Variants in GRM3 observed in about 807,000 individuals in gnomAD.
GRM3 encodes the protein metabotropic glutamate receptor 3.
Under a neutral mutation model 70.5 loss-of-function variants are expected in GRM3, and 26 were observed. That is an observed-to-expected ratio of 0.37 (90% CI 0.27 to 0.51). The LOEUF (loss-of-function observed/expected upper bound fraction) is 0.51. GRM3 is among the 20% of genes least tolerant of loss of function. The pLI is 0.93. For missense variants in GRM3, 859 were observed against 1,123.8 expected, an observed-to-expected ratio of 0.76 and a Z score of 3.37; for synonymous variants, 443 against 434.9, an observed-to-expected ratio of 1.02 and a Z score of -0.23.
At chr7:86,853,964 G>A (rs1347658338) in intron 5 of GRM3, among the ~76,000 whole-genome samples, 1 of 152,008 alleles carries the variant, frequency 6.6e-6, no homozygotes, top group African/African-American at 2.4e-5. Context: ...GGCTCCTAAT[G>A]AGCAAGTTCC....
intron 1 of GRM3, among the ~76,000 whole-genome samples, chr7:86,724,809 A>G (rs1173120172): frequency 2.6e-5 from 4 of 152,110 alleles, no homozygotes; most frequent in Admixed American, 6.6e-5. Flanking sequence ...CTTGATGATC[A>G]CTTACTCTTT....
At chr7:86,814,744 G>A (rs1797982177) in intron 3 of GRM3, among the ~76,000 whole-genome samples, 1 of 151,178 alleles carries the variant, frequency 6.6e-6, no homozygotes, top group South Asian at 2.1e-4. Context: ...GCTCTTTAAA[G>A]TCATGTTTTA....
chr7:86,796,806 C>T (rs1797560977), intron 3 of GRM3, among the ~76,000 whole-genome samples: 1 of 152,090 alleles, frequency 6.6e-6, no homozygotes, highest in Non-Finnish European at 1.5e-5. Context: ...TAAATTATAG[C>T]TCTATAATTC....
chr7:86,825,726 T>C (rs1798218780), intron 3 of GRM3, among the ~76,000 whole-genome samples: 1 of 152,248 alleles, frequency 6.6e-6, no homozygotes, highest in Non-Finnish European at 1.5e-5. Context: ...TGCTTCTTTA[T>C]ATAAAGAAGT....
intron 5 of GRM3, among the ~76,000 whole-genome samples, chr7:86,855,083 C>T (rs1798821768): frequency 6.6e-6 from 1 of 152,204 alleles, no homozygotes; most frequent in Non-Finnish European, 1.5e-5. Context: ...CCCACACCCA[C>T]ACACATAAGC....
At chr7:86,781,294 A>G (rs1797052553) in intron 2 of GRM3, among the ~76,000 whole-genome samples, 1 of 152,168 alleles carries the variant, frequency 6.6e-6, no homozygotes, top group African/African-American at 2.4e-5. Flanking sequence ...AGAGAATAGG[A>G]AAACTGAAAT....
intron 1 of GRM3, among the ~76,000 whole-genome samples, chr7:86,722,102 T>C (rs1355673620): frequency 2.6e-5 from 4 of 152,118 alleles, no homozygotes; most frequent in Non-Finnish European, 4.4e-5. Flanking sequence ...TCAGTCATAA[T>C]AGACCCCAGA....
chr7:86,755,028 G>C lies in GRM3; in HGVS notation c.-140-9978G>C, dbSNP rs150523346. ...AAAATTTTCTTAAATCATCCTGCTT[G>C]GCAATGATTTGGTGACAGGCTCATT... is the stretch of plus-strand genomic sequence containing the variant. On this transcript the variant is annotated intron_variant, in intron 1 of 5. Coordinates refer to ENST00000361669, the MANE Select transcript of GRM3 (RefSeq NM_000840.3). Among the ~76,000 whole-genome samples, 19 of 152,142 alleles carry C rather than the reference G, an allele frequency of 1.2e-4. No individual in the cohort carries two copies. The East Asian group carries it at 3.7e-3, about 29-fold the overall frequency.
chr7:86,738,136 G>A lies in GRM3; in HGVS notation c.-140-26870G>A, dbSNP rs578118525. ...TATTTATTTCCTTGGGATGCTCCAT[G>A]CCACCATAGGGATGGACAGCAAACA... On this transcript the variant is annotated intron_variant, in intron 1 of 5. Transcript: ENST00000361669. Among the ~76,000 whole-genome samples, 35 of 152,212 alleles carry A rather than the reference G, an allele frequency of 2.3e-4. 1 individual carries two copies. Among genetic ancestry groups the A allele is most frequent in the African/African-American group, 8.2e-4 (34 of 41,508 alleles).
intron 1 of GRM3, among the ~76,000 whole-genome samples, chr7:86,713,608 A>G (rs987282864): frequency 6.6e-6 from 1 of 151,928 alleles, no homozygotes; most frequent in East Asian, 1.9e-4. Context: ...GCAAAATGCA[A>G]CTTAGAGCTT....
chr7:86,722,360 T>C (rs149604466), intron 1 of GRM3, among the ~76,000 whole-genome samples: 2,577 of 152,080 alleles, frequency 0.017, 72 homozygotes, highest in African/African-American at 0.058. Flanking sequence ...CAAAAATGCC[T>C]GTCAATGATA....
chr7:86,763,590 T>C (rs2116408037), intron 1 of GRM3, among the ~76,000 whole-genome samples: 1 of 152,284 alleles, frequency 6.6e-6, no homozygotes, highest in Middle Eastern at 3.4e-3. Flanking sequence ...CTTTGCCTGA[T>C]TCCCAATAGA....
At chr7:86,824,094 T>TGA (rs1173705063) in intron 3 of GRM3, among the ~76,000 whole-genome samples, 14 of 152,270 alleles carry the variant, frequency 9.2e-5, no homozygotes, top group African/African-American at 3.1e-4. Flanking sequence ...AGCTAGTTCC[T>TGA]CTGTCAGTCA....
In GRM3 at chr7:86,786,150, A is replaced by G. The variant is rs1247462830; in HGVS notation, c.469-111A>G. Reference sequence around the variant, plus strand: ...AACTAACAGAAAAATGTAGCCATCTAGAGTAGAGGGAAAAGGGAGTCAGTA... The same window carrying G: ...AACTAACAGAAAAATGTAGCCATCTGGAGTAGAGGGAAAAGGGAGTCAGTA... On this transcript the variant is annotated intron_variant, in intron 2 of 5. Coordinates refer to ENST00000361669, the MANE Select transcript of GRM3 (RefSeq NM_000840.3). This position sits in a 1 kb window ranked among gnomAD's most constrained non-coding sequence, Gnocchi z 6.0. The G allele has an allele frequency of 5.7e-6, 5 of 876,470 alleles. No individual in the cohort carries two copies. Among genetic ancestry groups the G allele is most frequent in the Middle Eastern group, 2.6e-4 (1 of 3,896 alleles). 54.3% of individuals were successfully genotyped at this position (876,470 alleles called of 1,614,324 possible). A position where few individuals can be genotyped will look rare whatever the true frequency, so the allele number is the denominator to read the frequency against.
chr7:86,793,200 T>A (rs1193173331), intron 3 of GRM3, among the ~76,000 whole-genome samples: 2 of 152,102 alleles, frequency 1.3e-5, no homozygotes, highest in Non-Finnish European at 2.9e-5. Flanking sequence ...TGTGTCTGAT[T>A]CATCCAATAG....
intron 4 of GRM3, among the ~76,000 whole-genome samples, chr7:86,847,133 A>G (rs1242305161): frequency 6.6e-6 from 1 of 152,196 alleles, no homozygotes; most frequent in East Asian, 1.9e-4. Flanking sequence ...AATGAATAGT[A>G]TGCTGCCCTT....
intron 1 of GRM3, among the ~76,000 whole-genome samples, chr7:86,760,675 G>A (rs1796457591): frequency 6.6e-6 from 1 of 151,680 alleles, no homozygotes; most frequent in South Asian, 2.1e-4. Flanking sequence ...CTTTCTTAGG[G>A]CTTCATTTTA....
In GRM3 at chr7:86,786,143, G is replaced by A; in HGVS notation, c.469-118G>A. On this transcript the variant is annotated intron_variant, in intron 2 of 5. Coordinates refer to ENST00000361669, the MANE Select transcript of GRM3 (RefSeq NM_000840.3). The surrounding 1 kb of genome is among the most constrained non-coding windows in gnomAD (Gnocchi z 6.0). Reference sequence around the variant, plus strand: ...TCTCAAGAACTAACAGAAAAATGTAGCCATCTAGAGTAGAGGGAAAAGGGA... The same window carrying A: ...TCTCAAGAACTAACAGAAAAATGTAACCATCTAGAGTAGAGGGAAAAGGGA... 1.2e-6 allele frequency: 1 copy of A among 826,186 alleles called. No homozygotes were observed. The highest frequency in any genetic ancestry group is 1.9e-6 in the Non-Finnish European group (1 of 515,282). 51.2% of individuals were successfully genotyped at this position (826,186 alleles called of 1,614,324 possible).
At chr7:86,694,193 T>C (rs1255761603) in intron 1 of GRM3, among the ~76,000 whole-genome samples, 2 of 151,948 alleles carry the variant, frequency 1.3e-5, no homozygotes, top group East Asian at 3.9e-4. Context: ...ACTGACCAAA[T>C]AACTCACTCA....
Sources: gnomAD v4.1 joint callset for allele counts (sites outside exome capture counted in the v4.1 genomes callset) on GRCh38, gnomAD v4.1.1 for gene constraint, Gnocchi (gnomAD v3.1) non-coding constraint, MANE v1.5 for transcripts, NCBI Gene and HGNC (gene_info 2026-07-23, HGNC 2026-07-21) for gene names.